The following SPTAN1 variants were observed in gnomAD, a reference collection of about 807,000 sequenced individuals.
The protein encoded by SPTAN1 is spectrin alpha, non-erythrocytic 1.
Under a neutral mutation model 331.3 loss-of-function variants are expected in SPTAN1, and 61 were observed. The observed-to-expected ratio is 0.18, with a 90% CI of 0.15 to 0.23. SPTAN1 has a LOEUF of 0.23. SPTAN1 is among the 10% of genes least tolerant of loss of function. The probability of loss-of-function intolerance (pLI) is 1.00; values close to 1 mark genes in which losing one functional copy is unlikely to be tolerated. For synonymous variants in SPTAN1, 1,153 were observed against 1,173.9 expected (o/e 0.98, Z 0.36); for missense variants, 2,043 against 3,147.9 (o/e 0.65, Z 8.40).
intron 5 of SPTAN1, 123 bp from the exon 6 acceptor site, chr9:128,576,700 A>G: frequency 2.3e-6 from 3 of 1,291,882 alleles, no homozygotes; most frequent in South Asian, 2.5e-5. Flanking sequence ...GTTGACCATT[A>G]TTTCTTGTGA....
intron 45 of SPTAN1, chr9:128,621,778 T>C (rs568906829): frequency 8.2e-5 from 14 of 170,836 alleles, no homozygotes; most frequent in Admixed American, 7.6e-4. Context: ...TAGAAATGAA[T>C]CTACTTCATT....
chr9:128,621,921 C>G (rs965082030), intron 45 of SPTAN1: 1 of 159,298 alleles, frequency 6.3e-6, no homozygotes, highest in Non-Finnish European at 1.4e-5. Context: ...AGCAATCACT[C>G]AGGTGCAGTG....
At chr9:128,611,891 G>C in intron 38 of SPTAN1, 46 bp downstream of exon 38, 1 of 1,613,618 alleles carries the variant, frequency 6.2e-7, no homozygotes, top group Non-Finnish European at 8.5e-7. Flanking sequence ...GATGACCACC[G>C]TCACTGTCAA....
intron 24 of SPTAN1, among the ~76,000 whole-genome samples, chr9:128,597,218 C>A (rs1854431582): frequency 6.6e-6 from 1 of 152,040 alleles, no homozygotes; most frequent in African/African-American, 2.4e-5. Flanking sequence ...GTTATGTTGC[C>A]CTAAGCTGGT....
chr9:128,565,976 G>A (rs1849988472), intron 1 of SPTAN1, among the ~76,000 whole-genome samples: 1 of 152,142 alleles, frequency 6.6e-6, no homozygotes, highest in South Asian at 2.1e-4. Context: ...GAGGTCACAT[G>A]TTGCTGACAA....
chr9:128,607,632 C>T lies in SPTAN1; in HGVS notation c.4075C>T (p.Arg1359Trp), dbSNP rs150944593. The change falls in exon 32 of 57, where the codon CGG becomes TGG. Residue 1359 changes from arginine (R) to tryptophan (W), a missense_variant. Physicochemically the swap from Arg to Trp is moderately radical, Grantham distance 101 (BLOSUM62 -3). Around this residue, in one of 12 missense-constraint regions of SPTAN1, gnomAD observed 179 missense variants for 215.7 expected, o/e 0.83. Coordinates refer to ENST00000372739, the MANE Select transcript of SPTAN1 (RefSeq NM_001130438.3). Reference protein sequence around the residue: ...RDLMSWINGIRGLVSSDELAK... With the variant: ...RDLMSWINGIWGLVSSDELAK... The stretch of plus-strand genomic sequence containing the variant: ...CCTCATGTCTTGGATCAATGGAATA[C>T]GGGGGTTGGTGTCCTCAGATGAGCT... 9.4e-5 allele frequency: 152 copies of T among 1,613,892 alleles called. No homozygotes were observed. Among genetic ancestry groups the T allele is most frequent in the Non-Finnish European group, 1.2e-4 (146 of 1,179,936 alleles).
At chr9:128,568,627 G>A (rs542214677) in intron 2 of SPTAN1, 145 bp from the exon 3 acceptor site, 205 of 1,114,798 alleles carry the variant, frequency 1.8e-4, no homozygotes, top group Non-Finnish European at 2.6e-4. Flanking sequence ...GAATTGAGCA[G>A]GTAAGAGAAT....
intron 52 of SPTAN1, chr9:128,631,360 G>T (rs182875801): frequency 6.6e-6 from 1 of 152,266 alleles, no homozygotes; most frequent in East Asian, 1.9e-4. Context: ...TCAGGAGGCT[G>T]AGGCAGGAGA....
chr9:128,578,341 C>T, intron 9 of SPTAN1, 96 bp downstream of exon 9: 1 of 1,510,792 alleles, frequency 6.6e-7, no homozygotes, highest in Non-Finnish European at 9.1e-7. Context: ...GGCGTTGGTA[C>T]CATGTTATTC....
rs576419070 is a variant in SPTAN1, at chr9:128,608,937, A to G, written c.4555A>G (p.Lys1519Glu). ...GCTCATCGCTGCCGGCCATTATGCC[A>G]AGGGAGACATTTCTAGCCGGCGCAA... ...DQLIAAGHYA[K>E]GDISSRRNEV... The change falls in exon 35 of 57, where the codon AAG becomes GAG. Residue 1519 changes from lysine to glutamate, a missense_variant. Lys to Glu is a moderately conservative substitution (Grantham distance 56, BLOSUM62 1). Coordinates refer to ENST00000372739, the MANE Select transcript of SPTAN1 (RefSeq NM_001130438.3). 1.9e-6 allele frequency: 3 copies of G among 1,614,192 alleles called. No homozygotes were observed. The South Asian group carries it at 3.3e-5, about 18-fold the overall frequency.
intron 24 of SPTAN1, among the ~76,000 whole-genome samples, chr9:128,597,900 C>T (rs1271988557): frequency 1.3e-5 from 2 of 152,090 alleles, no homozygotes; most frequent in African/African-American, 4.8e-5. Flanking sequence ...CCACCCATCT[C>T]GGCCTCCCAA....
At position 128,582,229 on chromosome 9, in the gene SPTAN1, G is replaced by A. The variant is rs185379907; in HGVS notation, c.1573-250G>A. Among the ~76,000 whole-genome samples, 764 of 152,304 alleles carry A rather than the reference G, an allele frequency of 5.0e-3. 9 individuals are homozygous for A. Among genetic ancestry groups the A allele is most frequent in the African/African-American group, 0.017 (719 of 41,560 alleles). On this transcript the variant is annotated intron_variant, in intron 12 of 56. Transcript: ENST00000372739. ...GTTAACCTGTGTTTGACCCCTGCCA[G>A]GAGATCGTGCCACAACTAATGTCTC... is the stretch of plus-strand genomic sequence containing the variant.
In SPTAN1 at chr9:128,627,325, A is replaced by G; in HGVS notation, c.6577-61A>G. On this transcript the variant is annotated intron_variant, in intron 49 of 56. Coordinates refer to ENST00000372739, the MANE Select transcript of SPTAN1 (RefSeq NM_001130438.3). The surrounding 1 kb of genome is among the most constrained non-coding windows in gnomAD (Gnocchi z 4.9). The stretch of plus-strand genomic sequence containing the variant: ...CACCACCACCCTGAGCCCATCTGTG[A>G]AGGAGGGGCTGGTGTCACTGCCACA... The G allele has an allele frequency of 6.8e-7, 1 of 1,462,648 alleles. No individual in the cohort carries two copies. The highest frequency in any genetic ancestry group is 9.4e-7 in the Non-Finnish European group (1 of 1,068,168). The allele number at this position is 1,462,648 out of a possible 1,614,324, so 90.6% of individuals were successfully genotyped here. A position where few individuals can be genotyped will look rare whatever the true frequency, so the allele number is the denominator to read the frequency against.
Position 128,630,428 on chromosome 9 carries a change from C to G in SPTAN1, c.6762+53C>G, listed in dbSNP as rs1036198070. ...CAGAGACCCTTCACCCAGCCACCCC[C>G]CAGGGTACCCCTTCCCTTCCTGGCT... On this transcript the variant is annotated intron_variant, in intron 52 of 56. Coordinates refer to ENST00000372739, the MANE Select transcript of SPTAN1 (RefSeq NM_001130438.3). The G allele has an allele frequency of 1.9e-6, 3 of 1,576,062 alleles. No homozygotes were observed. In the Admixed American group the frequency reaches 5.0e-5, roughly 26 times the overall value.
At chr9:128,624,150 T>C (rs1034058550) in intron 45 of SPTAN1, among the ~76,000 whole-genome samples, 178 bp from the exon 46 acceptor site, 5 of 150,912 alleles carry the variant, frequency 3.3e-5, no homozygotes, top group African/African-American at 9.7e-5. Flanking sequence ...CGTGTATTTG[T>C]GTGAAGCCTT....
rs763975559 is a variant in SPTAN1, at chr9:128,584,385, A to G, written c.2297A>G (p.Tyr766Cys). 5 of 1,614,188 alleles carry G rather than the reference A, an allele frequency of 3.1e-6. No homozygotes were observed. The highest frequency in any genetic ancestry group is 4.2e-6 in the Non-Finnish European group (5 of 1,180,040). Residue 766 changes from tyrosine (Y) to cysteine (C), a missense_variant, in exon 17 of 57, where the codon TAT (tyrosine) becomes TGT (cysteine). Tyr to Cys is a radical substitution (Grantham distance 194). Around this residue, in one of 12 missense-constraint regions of SPTAN1, gnomAD observed 1,038 missense variants for 1,531.5 expected, o/e 0.68. Transcript: ENST00000372739. ...AAACAGGAAGCCCTCGTGGCTCGCT[A>G]TGAGGCACTCAAGGAGCCCATGGTT... ...KKKQEALVAR[Y>C]EALKEPMVAR...
chr9:128,574,149 T>C (rs2130955775), intron 3 of SPTAN1, among the ~76,000 whole-genome samples: 1 of 152,230 alleles, frequency 6.6e-6, no homozygotes, highest in South Asian at 2.1e-4. Context: ...TTTTTTCCCT[T>C]TATCTCCATG....
At chr9:128,606,899 C>T (rs1300867656) in intron 31 of SPTAN1, among the ~76,000 whole-genome samples, 1 of 152,196 alleles carries the variant, frequency 6.6e-6, no homozygotes, top group Non-Finnish European at 1.5e-5. Context: ...CCACCCCTCT[C>T]TAGTTTTGGA....
chr9:128,570,330 ATTTTTTTTTT>A (rs541960678), intron 3 of SPTAN1, among the ~76,000 whole-genome samples: 1,600 of 71,808 alleles, frequency 0.022, 25 homozygotes, highest in African/African-American at 0.057. Context: ...ATATATATAT[ATTTTTTTTTT>A]TTTTTTTTTT....
Sources: gnomAD v4.1 joint callset for allele counts (sites outside exome capture counted in the v4.1 genomes callset) on GRCh38, gnomAD v4.1.1 for gene constraint, gnomAD v4.1.1 regional missense constraint, Gnocchi (gnomAD v3.1) non-coding constraint, MANE v1.5 for transcripts, NCBI Gene and HGNC (gene_info 2026-07-23, HGNC 2026-07-21) for gene names.